NAV2: variants seen among roughly 807,000 people sequenced by gnomAD.
The protein encoded by NAV2 is neuron navigator 2, also known as helicase, APC down-regulated 1.
In NAV2, 54 loss-of-function variants were observed where a neutral mutation model predicts 223.2. The ratio of observed to expected loss-of-function variants is 0.24; its 90% CI spans 0.19 to 0.30. NAV2 has a LOEUF of 0.30. NAV2 is among the 10% of genes least tolerant of loss of function. The probability of loss-of-function intolerance (pLI) is 1.00; values close to 1 mark genes in which losing one functional copy is unlikely to be tolerated. For missense variants in NAV2, 2,806 were observed against 3,147.5 expected (o/e 0.89, Z 2.60); for synonymous variants, 1,279 against 1,239.3 (o/e 1.03, Z -0.67).
At chr11:20,105,790 C>A in intron 35 of NAV2, 63 bp downstream of exon 35, 1 of 1,334,944 alleles carries the variant, frequency 7.5e-7, no homozygotes, top group Non-Finnish European at 1.1e-6. Context: ...CCTCTGGGCC[C>A]TGGCCAGGAC....
At chr11:19,828,272 T>C (rs2059750770) in intron 1 of NAV2, among the ~76,000 whole-genome samples, 1 of 152,186 alleles carries the variant, frequency 6.6e-6, no homozygotes, top group South Asian at 2.1e-4. Flanking sequence ...AAATGGTATA[T>C]AACCATCACC....
chr11:19,440,407 T>C (rs1851358048), intron 1 of NAV2, among the ~76,000 whole-genome samples: 1 of 152,134 alleles, frequency 6.6e-6, no homozygotes, highest in Admixed American at 6.5e-5. Flanking sequence ...GGAAAGGTTG[T>C]AACCTGTACA....
intron 1 of NAV2, among the ~76,000 whole-genome samples, chr11:19,368,014 A>G (rs2729894): frequency 0.96 from 145,559 of 152,274 alleles, 69,894 homozygotes; most frequent in East Asian, 1. Context: ...TGTCATTCAG[A>G]ATAGGCAATT....
intron 36 of NAV2, 111 bp from the exon 37 acceptor site, chr11:20,114,481 T>G: frequency 1.1e-6 from 1 of 917,024 alleles, no homozygotes; most frequent in Non-Finnish European, 1.7e-6. Flanking sequence ...AATTACTCCA[T>G]CAGGGAAGGC....
In NAV2 at chr11:19,712,920, C is replaced by T. The variant is rs2049975519; in HGVS notation, c.-776C>T. Among the ~76,000 whole-genome samples the T allele has an allele frequency of 1.3e-5, 2 of 151,448 alleles. No homozygotes were observed. Among genetic ancestry groups the T allele is most frequent in the Admixed American group, 1.3e-4 (2 of 15,186 alleles). On this transcript the variant is annotated 5_prime_UTR_variant, in exon 1 of 38. Transcript: ENST00000349880. ...GCTCCCGAGCGCAGCCCTGCCCGGCCCGCCAGCCGCGCGTCCCGGCGCCCG... is the reference window on the plus strand; with the variant it reads ...GCTCCCGAGCGCAGCCCTGCCCGGCTCGCCAGCCGCGCGTCCCGGCGCCCG...
chr11:20,048,881 C>T lies in NAV2; in HGVS notation c.4056C>T (p.Ser1352=). The stretch of plus-strand genomic sequence containing the variant: ...GTGGCGTCCTGAGCAGTGGGAGCAG[C>T]AGTCCTCTCTACAGCAAGAATGTGG... The part of the protein sequence containing the change: ...SGSGVLSSGS[S]SPLYSKNVDL... Residue 1352 remains serine, a synonymous_variant, in exon 15 of 38, where the codon AGC becomes AGT. Coordinates refer to ENST00000349880, the MANE Select transcript of NAV2 (RefSeq NM_145117.5). 6.2e-7 allele frequency: 1 copy of T among 1,614,210 alleles called. No homozygotes were observed. The highest frequency in any genetic ancestry group is 8.5e-7 in the Non-Finnish European group (1 of 1,180,032).
At chr11:19,741,786 G>A (rs1224467349) in intron 1 of NAV2, among the ~76,000 whole-genome samples, 2 of 146,708 alleles carry the variant, frequency 1.4e-5, no homozygotes, top group Non-Finnish European at 3.0e-5. Flanking sequence ...CCATATCTTA[G>A]CAATTGCAAA....
At position 20,044,243 on chromosome 11, in the gene NAV2, C is replaced by T. The variant is rs770664469; in HGVS notation, c.3170C>T (p.Pro1057Leu). 18 of 1,612,160 alleles carry T rather than the reference C, an allele frequency of 1.1e-5. No homozygotes were observed. Among genetic ancestry groups the T allele is most frequent in the Middle Eastern group, 3.3e-4 (2 of 6,080 alleles). The change falls in exon 13 of 38, where the codon CCG becomes CTG. Residue 1057 changes from proline (P) to leucine (L), a missense_variant. By Grantham distance (98) the Pro-to-Leu change is moderately conservative (BLOSUM62 -3). Transcript: ENST00000349880. ...ITMPRTKPSA[P>L]AGALKTPGTG... is the part of the protein sequence containing the mutation. ...ATGCCAAGGACGAAGCCTTCAGCCC[C>T]GGCAGGCGCACTGAAGACCCCAGGA... is the stretch of plus-strand genomic sequence containing the variant.
rs149155480 is a variant in NAV2, at chr11:19,614,467, GCAGAAGTA to G, written c.76-218012_76-218005del. Among the ~76,000 whole-genome samples, 692 of 152,150 alleles carry G rather than the reference GCAGAAGTA, an allele frequency of 4.5e-3. 3 individuals carry two copies. Among genetic ancestry groups the G allele is most frequent in the African/African-American group, 0.015 (616 of 41,508 alleles). ...AGTTTTAGGTTTACAGCAAAATTGA[GCAGAAGTA>G]CAGAGAATTCCCATGTAGCCCCTGG... On this transcript the variant is annotated intron_variant, in intron 1 of 37. Coordinates refer to the NAV2 transcript ENST00000360655.
rs114252668 is a variant in NAV2, at chr11:19,572,686, A to C, written c.75+221659A>C. On this transcript the variant is annotated intron_variant, in intron 1 of 37. Coordinates refer to the NAV2 transcript ENST00000360655. ...CCAGTCTGTCTGAGTTTGAACTCCA[A>C]CTCTCCCACTTATGAGCTGCATGAC... Among the ~76,000 whole-genome samples the C allele has an allele frequency of 1.8e-3, 271 of 152,076 alleles. 1 individual carries two copies. Among genetic ancestry groups the C allele is most frequent in the African/African-American group, 6.4e-3 (264 of 41,446 alleles).
intron 1 of NAV2, among the ~76,000 whole-genome samples, chr11:19,744,917 G>A (rs181313665): frequency 1.5e-4 from 23 of 152,212 alleles, no homozygotes; most frequent in Admixed American, 4.6e-4. Context: ...ATTTTTTGCC[G>A]TCATGAACAA....
At chr11:19,618,616 T>C (rs1321280107) in intron 1 of NAV2, among the ~76,000 whole-genome samples, 1 of 152,164 alleles carries the variant, frequency 6.6e-6, no homozygotes, top group Non-Finnish European at 1.5e-5. Flanking sequence ...ACCATGGGCC[T>C]AGCCCTGTGC....
chr11:19,986,347 T>C (rs1187386489), intron 11 of NAV2, among the ~76,000 whole-genome samples: 2 of 152,170 alleles, frequency 1.3e-5, no homozygotes, highest in Non-Finnish European at 2.9e-5. Context: ...AGTCCGGGCA[T>C]GGTGGCTCAC....
chr11:19,944,882 CTTCTTTCCT>C (rs1379272447), intron 8 of NAV2, among the ~76,000 whole-genome samples: 5 of 141,776 alleles, frequency 3.5e-5, no homozygotes, highest in East Asian at 4.3e-4. Flanking sequence ...TCCTCCTTTC[CTTCTTTCCT>C]TTCTTTCCTT....
intron 1 of NAV2, among the ~76,000 whole-genome samples, chr11:19,531,167 A>G (rs2044017538): frequency 6.6e-6 from 1 of 152,232 alleles, no homozygotes; most frequent in Non-Finnish European, 1.5e-5. Context: ...GGCACTAAAC[A>G]TGACAGATAA....
chr11:19,802,784 G>T (rs535757302), intron 1 of NAV2, among the ~76,000 whole-genome samples: 6 of 151,668 alleles, frequency 4.0e-5, no homozygotes, highest in Non-Finnish European at 8.8e-5. Flanking sequence ...TGAGAGAGTC[G>T]ATGGGGACAG....
At chr11:19,837,989 C>T (rs1003554069) in intron 2 of NAV2, among the ~76,000 whole-genome samples, 3 of 152,130 alleles carry the variant, frequency 2.0e-5, no homozygotes, top group African/African-American at 7.2e-5. Flanking sequence ...ATGTGGCTTA[C>T]TCTGAAATGG....
At chr11:19,600,943 T>C (rs2046334490) in intron 1 of NAV2, among the ~76,000 whole-genome samples, 1 of 152,184 alleles carries the variant, frequency 6.6e-6, no homozygotes, top group Non-Finnish European at 1.5e-5. Flanking sequence ...TTGTAATCAT[T>C]AATACATGAG....
chr11:19,909,899 C>G (rs9971545), intron 6 of NAV2, among the ~76,000 whole-genome samples: 5,263 of 152,052 alleles, frequency 0.035, 310 homozygotes, highest in African/African-American at 0.12. Context: ...ATTTATAAGG[C>G]ATATATAATA....
Sources: allele counts gnomAD v4.1 joint callset (sites outside exome capture counted in the v4.1 genomes callset), GRCh38; gene constraint gnomAD v4.1.1; transcripts MANE v1.5; gene names NCBI Gene and HGNC (gene_info 2026-07-23, HGNC 2026-07-21).